Variants in CACNA1H observed in about 807,000 individuals in gnomAD.
CACNA1H encodes the protein voltage-dependent T-type calcium channel subunit alpha-1H.
A neutral mutation model predicts 192.5 loss-of-function variants in CACNA1H; 149 were observed. That is an observed-to-expected ratio of 0.77 (90% CI 0.68 to 0.89). The LOEUF is 0.89. Among genes scored for constraint, CACNA1H ranks in the 40% least tolerant of loss-of-function variants. CACNA1H has a pLI of 0.00. For missense variants in CACNA1H, 4,257 were observed against 3,423.5 expected (o/e 1.24, Z -6.08); for synonymous variants, 2,202 against 1,475.2 (o/e 1.49, Z -11.29).
At chr16:1,209,902 C>T (rs1158378982) in intron 17 of CACNA1H, 133 bp from the exon 18 acceptor site, 3 of 683,502 alleles carry the variant, frequency 4.4e-6, no homozygotes, top group Non-Finnish European at 7.4e-6. Context: ...GCCCAAAGGC[C>T]AGCGGGTGAG....
At chr16:1,174,015 C>T (rs932743180) in intron 2 of CACNA1H, among the ~76,000 whole-genome samples, 2 of 152,244 alleles carry the variant, frequency 1.3e-5, no homozygotes, top group Non-Finnish European at 2.9e-5. Flanking sequence ...AGTAGGGCCT[C>T]ACATCATGCG....
intron 2 of CACNA1H, among the ~76,000 whole-genome samples, chr16:1,173,480 A>C (rs972700971): frequency 6.6e-6 from 1 of 152,276 alleles, no homozygotes; most frequent in Non-Finnish European, 1.5e-5. Context: ...TTACTTTTTT[A>C]GTATTTAACA....
chr16:1,215,618 A>G (rs1254720301), intron 30 of CACNA1H, 25 bp downstream of exon 30: 3 of 1,597,910 alleles, frequency 1.9e-6, no homozygotes, highest in Admixed American at 1.7e-5. Flanking sequence ...CGCCATCCTC[A>G]GCGCAGGCCC....
chr16:1,209,956 C>T (rs1414384881), intron 17 of CACNA1H, 79 bp from the exon 18 acceptor site: 15 of 1,076,088 alleles, frequency 1.4e-5, no homozygotes, highest in African/African-American at 3.2e-5. Flanking sequence ...GAGGGGTGGC[C>T]GAGCTGAGCA....
Position 1,194,997 on chromosome 16 carries a change from G to A in CACNA1H, c.325G>A (p.Val109Ile), listed in dbSNP as rs1287067886. The A allele has an allele frequency of 1.4e-5, 22 of 1,611,734 alleles. No homozygotes were observed. Among genetic ancestry groups the A allele is most frequent in the Non-Finnish European group, 1.8e-5 (21 of 1,179,076 alleles). ...NPWFEHVSML[V>I]IMLNCVTLGM... ...ATGGTTCGAGCACGTGAGCATGCTG[G>A]TAATCATGCTCAACTGCGTGACCCT... The change falls in exon 3 of 35, where the codon GTA (valine) becomes ATA (isoleucine). Residue 109 changes from valine to isoleucine, a missense_variant. Physicochemically the swap from Val to Ile is conservative, Grantham distance 29 (BLOSUM62 3). Transcript: ENST00000348261.
Position 1,209,227 on chromosome 16 carries a change from G to C in CACNA1H, c.3559G>C (p.Gly1187Arg). Residue 1187 changes from glycine to arginine, a missense_variant, in exon 17 of 35, where the codon GGG becomes CGG. Gly to Arg is a moderately radical substitution (Grantham distance 125). Transcript: ENST00000348261. ...DEAEDGRAAP[G>R]PRATPLRRAE... is the part of the protein sequence containing the mutation. ...AGCTGAGGACGGCAGGGCCGCGCCC[G>C]GGCCCCGTGCCACCCCACTGCGGCG... The C allele has an allele frequency of 5.2e-6, 8 of 1,544,678 alleles. No individual in the cohort carries two copies. The highest frequency in any genetic ancestry group is 7.0e-6 in the Non-Finnish European group (8 of 1,146,492).
Position 1,203,809 on chromosome 16 carries a change from C to T in CACNA1H, c.2003-201C>T, listed in dbSNP as rs532681556. On this transcript the variant is annotated intron_variant, in intron 9 of 34. Transcript: ENST00000348261. ...CAGGGCCCTCCCTACTCCGGGATAG[C>T]TTCATTCCTCATTGTAACCCATGAC... 5.9e-5 allele frequency among the ~76,000 whole-genome samples: 9 copies of T among 152,320 alleles called. 1 individual carries two copies. Among genetic ancestry groups the T allele is most frequent in the South Asian group, 2.1e-4 (1 of 4,828 alleles).
rs1966885446 is a variant in CACNA1H, at chr16:1,195,708, C to G, written c.545+143C>G. The stretch of plus-strand genomic sequence containing the variant: ...AGAGCCAGGGACCCTGTCTGGGACT[C>G]CGGAGACCCTCCCTCCTGGGCACAG... On this transcript the variant is annotated intron_variant, in intron 4 of 34. Coordinates refer to ENST00000348261, the MANE Select transcript of CACNA1H (RefSeq NM_021098.3). 55 of 1,076,626 alleles carry G rather than the reference C, an allele frequency of 5.1e-5. 1 individual carries two copies. In the South Asian group the frequency reaches 7.8e-4, roughly 15 times the overall value. The allele number at this position is 1,076,626 out of a possible 1,614,324, so 66.7% of individuals were successfully genotyped here. A position where few individuals can be genotyped will look rare whatever the true frequency, so the allele number is the denominator to read the frequency against.
intron 2 of CACNA1H, among the ~76,000 whole-genome samples, chr16:1,169,399 G>C (rs1964133888): frequency 6.6e-6 from 1 of 152,234 alleles, no homozygotes; most frequent in South Asian, 2.1e-4. Flanking sequence ...TGGGCTGGTG[G>C]GTTGGGCCCC....
intron 2 of CACNA1H, among the ~76,000 whole-genome samples, chr16:1,160,847 C>T (rs1182708957): frequency 2.0e-5 from 3 of 152,132 alleles, no homozygotes; most frequent in Non-Finnish European, 4.4e-5. Context: ...TTTGGAGGCC[C>T]CGTGCAGCGT....
At chr16:1,195,337 G>T (rs1457459156) in intron 3 of CACNA1H, 95 bp from the exon 4 acceptor site, 35 of 1,477,154 alleles carry the variant, frequency 2.4e-5, no homozygotes, top group Non-Finnish European at 2.9e-5. Flanking sequence ...GAGGGGTGTG[G>T]CAAGACTGGG....
chr16:1,208,177 A>G lies in CACNA1H; in HGVS notation c.3319A>G (p.Ser1107Gly), dbSNP rs1228419683. 1.3e-6 allele frequency: 2 copies of G among 1,556,322 alleles called. No homozygotes were observed. Among genetic ancestry groups the G allele is most frequent in the Non-Finnish European group, 1.7e-6 (2 of 1,153,050 alleles). The change falls in exon 16 of 35, where the codon AGC (serine) becomes GGC (glycine). Residue 1107 changes from serine to glycine, a missense_variant. By Grantham distance (56) the Ser-to-Gly change is moderately conservative. Transcript: ENST00000348261. The stretch of plus-strand genomic sequence containing the variant: ...CAGCCTCCCAGACTCTCGGCGTGGC[A>G]GCAGCAGCTCCGGGGACCCGCCACT... ...APSLPDSRRGSSSSGDPPLGD... is the reference protein window; with the variant it reads ...APSLPDSRRGGSSSGDPPLGD...
chr16:1,193,193 C>T (rs752941009), intron 2 of CACNA1H, among the ~76,000 whole-genome samples: 5 of 152,202 alleles, frequency 3.3e-5, no homozygotes, highest in Admixed American at 6.5e-5. Flanking sequence ...AACCCCTCCC[C>T]TCGGGAAATG....
At position 1,198,597 on chromosome 16, in the gene CACNA1H, T is replaced by G. The variant is rs1254014636; in HGVS notation, c.644-18T>G. 6.8e-6 allele frequency: 11 copies of G among 1,611,532 alleles called. No individual in the cohort carries two copies. Among genetic ancestry groups the G allele is most frequent in the South Asian group, 1.1e-5 (1 of 91,088 alleles). Reference sequence around the variant, plus strand: ...CTGCAGGGCTTAGCAGTGCCAATCCTGGCCCTGCTGCCCACAGGCATGCGG... The same window carrying G: ...CTGCAGGGCTTAGCAGTGCCAATCCGGGCCCTGCTGCCCACAGGCATGCGG... On this transcript the variant is annotated intron_variant, in intron 5 of 34. Transcript: ENST00000348261.
At chr16:1,216,485 CACCTGCCGGG>C (rs1263459723) in intron 30 of CACNA1H, among the ~76,000 whole-genome samples, 48 of 152,194 alleles carry the variant, frequency 3.2e-4, no homozygotes, top group Admixed American at 3.1e-3. Context: ...GGCCCAGGCC[CACCTGCCGGG>C]ACCCCTCAGT....
At chr16:1,218,080 A>G (rs373662939) in intron 32 of CACNA1H, 40 bp downstream of exon 32, 2 of 1,581,154 alleles carry the variant, frequency 1.3e-6, no homozygotes, top group Non-Finnish European at 1.7e-6. Context: ...TGGCAGCCCC[A>G]GCGGTTTTTC....
intron 5 of CACNA1H, among the ~76,000 whole-genome samples, chr16:1,196,359 C>G (rs1475305727): frequency 1.3e-5 from 2 of 152,264 alleles, no homozygotes; most frequent in African/African-American, 4.8e-5. Context: ...TCCCTGGTGG[C>G]TTTGCTGTCT....
chr16:1,207,776 G>A lies in CACNA1H; in HGVS notation c.3070G>A (p.Ala1024Thr), dbSNP rs2141313044. ...LVEGFQAEGD[A>T]NRSDTDEDKT... is the part of the protein sequence containing the mutation. ...TGTGCTTTGTTGGGTTTAGGGCGAT[G>A]CCAACAGATCCGACACGGACGAGGA... The change falls in exon 15 of 35, where the codon GCC (alanine) becomes ACC (threonine). Residue 1024 changes from alanine to threonine, a missense_variant. Transcript: ENST00000348261. The A allele has an allele frequency of 6.3e-7, 1 of 1,596,700 alleles. No homozygotes were observed. The highest frequency in any genetic ancestry group is 8.5e-7 in the Non-Finnish European group (1 of 1,172,172).
chr16:1,196,924 TGTA>T (rs1379435520), intron 5 of CACNA1H, among the ~76,000 whole-genome samples: 4 of 152,082 alleles, frequency 2.6e-5, no homozygotes, highest in Admixed American at 1.3e-4. Context: ...GCATACTGCG[TGTA>T]GATGTGGCCC....
Sources: allele counts gnomAD v4.1 joint callset (sites outside exome capture counted in the v4.1 genomes callset), GRCh38; gene constraint gnomAD v4.1.1; transcripts MANE v1.5; gene names NCBI Gene and HGNC (gene_info 2026-07-23, HGNC 2026-07-21).